The following MCOLN2 variants were observed in gnomAD, a reference collection of about 807,000 sequenced individuals.
MCOLN2 encodes the protein mucolipin-2.
MCOLN2 carries 57 observed loss-of-function variants against 67.5 expected under a neutral mutation model. That is an observed-to-expected ratio of 0.84 (90% CI 0.68 to 1.05). MCOLN2 has a LOEUF of 1.05. MCOLN2 is among the 50% of genes least tolerant of loss of function. The pLI is 0.00. For synonymous variants in MCOLN2, 246 were observed against 233.3 expected (o/e 1.05, Z -0.50); for missense variants, 620 against 678.8 (o/e 0.91, Z 0.96).
intron 2 of MCOLN2, 32 bp downstream of exon 2, chr1:84,965,517 G>A (rs942366246): frequency 6.2e-7 from 1 of 1,604,474 alleles, no homozygotes; most frequent in South Asian, 1.1e-5. Context: ...TGTGGTAAGG[G>A]AAAAACCAAA....
In MCOLN2 at chr1:84,958,689, C is replaced by G; in HGVS notation, c.251G>C (p.Gly84Ala). Residue 84 changes from glycine (G) to alanine (A), a missense_variant, in exon 3 of 14, where the codon GGT (glycine) becomes GCT (alanine). Transcript: ENST00000370608. ...VMVTTQLVRF[G>A]LSNQLVVAFK... ...AGCAACCACCAGCTGGTTACTTAAA[C>G]CAAAACGAACAAGCTAAAAAATAAA... 6.4e-7 allele frequency: 1 copy of G among 1,574,720 alleles called. No homozygotes were observed. Among genetic ancestry groups the G allele is most frequent in the East Asian group, 2.3e-5 (1 of 44,058 alleles).
At chr1:84,972,677 G>T (rs1649757481) in intron 1 of MCOLN2, among the ~76,000 whole-genome samples, 1 of 152,190 alleles carries the variant, frequency 6.6e-6, no homozygotes, top group Non-Finnish European at 1.5e-5. Context: ...AAATAATCAG[G>T]ACTGTGTGAC....
intron 1 of MCOLN2, among the ~76,000 whole-genome samples, chr1:84,984,908 T>C (rs1165223744): frequency 6.6e-6 from 1 of 152,060 alleles, no homozygotes; most frequent in Non-Finnish European, 1.5e-5. Context: ...GGTGGGAGGA[T>C]TGCTCAAGTC....
At chr1:84,949,835 A>G (rs1167292165) in intron 6 of MCOLN2, among the ~76,000 whole-genome samples, 3 of 152,102 alleles carry the variant, frequency 2.0e-5, no homozygotes, top group African/African-American at 7.2e-5. Context: ...TATCCAGCAA[A>G]GCCATCCTTC....
At chr1:84,992,977 A>T (rs776850753) in intron 1 of MCOLN2, among the ~76,000 whole-genome samples, 20 of 152,166 alleles carry the variant, frequency 1.3e-4, no homozygotes, top group Non-Finnish European at 2.8e-4. Context: ...CCTGTCACAA[A>T]ATATTTCTCT....
intron 11 of MCOLN2, among the ~76,000 whole-genome samples, chr1:84,933,635 C>T (rs1260665648): frequency 6.6e-6 from 1 of 152,178 alleles, no homozygotes; most frequent in Non-Finnish European, 1.5e-5. Context: ...TCTGACAGCA[C>T]CATTAATAAT....
intron 9 of MCOLN2, among the ~76,000 whole-genome samples, chr1:84,939,194 G>A (rs910068601): frequency 2.3e-4 from 35 of 152,172 alleles, no homozygotes; most frequent in African/African-American, 8.4e-4. Flanking sequence ...CACCCCATCC[G>A]TCGGAGCACC....
chr1:84,946,646 T>C (rs1480856044), intron 7 of MCOLN2, among the ~76,000 whole-genome samples: 2 of 152,228 alleles, frequency 1.3e-5, no homozygotes, highest in Non-Finnish European at 2.9e-5. Flanking sequence ...TTTTAGAGCA[T>C]TTTGATTTCA....
intron 6 of MCOLN2, among the ~76,000 whole-genome samples, chr1:84,947,430 AG>A (rs1382686235): frequency 6.6e-6 from 1 of 152,188 alleles, no homozygotes; most frequent in Non-Finnish European, 1.5e-5. Context: ...GGAGCATGAA[AG>A]CCCAGGACAG....
intron 9 of MCOLN2, among the ~76,000 whole-genome samples, chr1:84,938,341 T>A (rs552942233): frequency 2.4e-4 from 36 of 152,270 alleles, no homozygotes; most frequent in African/African-American, 7.9e-4. Context: ...TGTATTTAGG[T>A]TGAACTAAAT....
chr1:84,973,533 G>A (rs931350341), intron 1 of MCOLN2, among the ~76,000 whole-genome samples: 3 of 152,134 alleles, frequency 2.0e-5, no homozygotes, highest in African/African-American at 7.2e-5. Context: ...AGGTATGTGA[G>A]ACATCCTGGG....
At chr1:84,958,439 A>G in intron 3 of MCOLN2, 90 bp downstream of exon 3, 2 of 1,036,338 alleles carry the variant, frequency 1.9e-6, no homozygotes, top group Non-Finnish European at 2.8e-6. Flanking sequence ...AGAATATTTT[A>G]ACATGTGTAT....
chr1:84,977,467 A>C (rs1483985100), intron 1 of MCOLN2, among the ~76,000 whole-genome samples: 4 of 149,400 alleles, frequency 2.7e-5, no homozygotes, highest in Non-Finnish European at 3.0e-5. Context: ...TGAAAAAAAA[A>C]CCCACTGATC....
chr1:84,991,911 T>C (rs1650905643), intron 1 of MCOLN2, among the ~76,000 whole-genome samples: 1 of 152,242 alleles, frequency 6.6e-6, no homozygotes, highest in Non-Finnish European at 1.5e-5. Context: ...CTGAGGAAGA[T>C]GACTGGAATT....
At chr1:84,944,286 G>A (rs762870526) in intron 7 of MCOLN2, among the ~76,000 whole-genome samples, 1 of 152,172 alleles carries the variant, frequency 6.6e-6, no homozygotes, top group Non-Finnish European at 1.5e-5. Flanking sequence ...TGTAATCCCA[G>A]CACTTTGGGA....
intron 6 of MCOLN2, among the ~76,000 whole-genome samples, 174 bp from the exon 7 acceptor site, chr1:84,947,306 C>CCACACACA (rs59818609): frequency 3.3e-4 from 47 of 141,124 alleles, no homozygotes; most frequent in African/African-American, 1.2e-3. Flanking sequence ...GCACCCCCCA[C>CCACACACA]CACACACACA....
intron 2 of MCOLN2, 132 bp downstream of exon 2, chr1:84,965,417 C>T: frequency 1.1e-6 from 1 of 917,910 alleles, no homozygotes; most frequent in East Asian, 2.7e-5. Flanking sequence ...CTCTGCTCTC[C>T]AGAGTCAATA....
At position 84,982,383 on chromosome 1, in the gene MCOLN2, G is replaced by A. The variant is rs563943771; in HGVS notation, c.77+14413C>T. On this transcript the variant is annotated intron_variant, in intron 1 of 13. Transcript: ENST00000370608. ...AACTCCTGGCCTCAAGCAAGCCTCC[G>A]GCCTTGGCCTCCCAAAATGCTAGGA... is the stretch of plus-strand genomic sequence containing the variant. Among the ~76,000 whole-genome samples the A allele has an allele frequency of 3.8e-4, 58 of 152,128 alleles. No individual in the cohort carries two copies. The Middle Eastern group carries it at 0.01, about 27-fold the overall frequency.
Position 84,996,963 on chromosome 1 carries a change from T to C in MCOLN2, c.-91A>G. The C allele has an allele frequency of 8.3e-7, 1 of 1,198,480 alleles. No homozygotes were observed. Among genetic ancestry groups the C allele is most frequent in the Non-Finnish European group, 1.2e-6 (1 of 815,804 alleles). 74.2% of individuals were successfully genotyped at this position (1,198,480 alleles called of 1,614,324 possible). ...CTCATTTCGCCCTCGCCGTAACGCGTCCGCCGAAGTTGGAGCCCTGCAAAG... is the reference window on the plus strand; with the variant it reads ...CTCATTTCGCCCTCGCCGTAACGCGCCCGCCGAAGTTGGAGCCCTGCAAAG... On this transcript the variant is annotated 5_prime_UTR_variant, in exon 1 of 14. Transcript: ENST00000370608.
Sources: allele counts gnomAD v4.1 joint callset (sites outside exome capture counted in the v4.1 genomes callset), GRCh38; gene constraint gnomAD v4.1.1; transcripts MANE v1.5; gene names NCBI Gene and HGNC (gene_info 2026-07-23, HGNC 2026-07-21).